MET: variants seen among roughly 807,000 people sequenced by gnomAD.
The protein encoded by MET is hepatocyte growth factor receptor.
Under a neutral mutation model 133.1 loss-of-function variants are expected in MET, and 48 were observed. The observed-to-expected ratio is 0.36, with a 90% CI of 0.29 to 0.46. The LOEUF (loss-of-function observed/expected upper bound fraction) is 0.46, where lower values mean the gene tolerates loss of function less well. MET is among the 20% of genes least tolerant of loss of function. The pLI is 1.00. For missense variants in MET, 1,442 were observed against 1,695.9 expected (o/e 0.85, Z 2.63); for synonymous variants, 628 against 616.5 (o/e 1.02, Z -0.28).
chr7:116,759,450 T>C lies in MET; in HGVS notation c.2324T>C (p.Met775Thr). The C allele has an allele frequency of 6.2e-7, 1 of 1,613,808 alleles. No individual in the cohort carries two copies. Among genetic ancestry groups the C allele is most frequent in the Non-Finnish European group, 8.5e-7 (1 of 1,179,852 alleles). The change falls in exon 10 of 21, where the codon ATG becomes ACG. Residue 775 changes from methionine to threonine, a missense_variant. Around this residue, in one of 6 missense-constraint regions of MET, gnomAD observed 514 missense variants for 659.6 expected, o/e 0.78. Transcript: ENST00000397752. The part of the protein sequence containing the change: ...KNLNSVSVPR[M>T]VINVHEAGRN... ...CTGAATTCAGTTAGTGTCCCGAGAA[T>C]GGTCATAAATGTGCATGAAGCAGGA...
At chr7:116,715,803 G>A (rs1792168546) in intron 2 of MET, among the ~76,000 whole-genome samples, 2 of 152,172 alleles carry the variant, frequency 1.3e-5, no homozygotes, top group Admixed American at 6.5e-5. Flanking sequence ...TCTCTGCTAG[G>A]TTAGCATGGT....
intron 19 of MET, among the ~76,000 whole-genome samples, chr7:116,793,262 C>A (rs770262391): frequency 7.2e-5 from 11 of 151,812 alleles, no homozygotes; most frequent in Non-Finnish European, 1.5e-4. Context: ...GCAACTTCCA[C>A]CTCCCAGGTT....
chr7:116,760,702 C>G (rs1470938144), intron 10 of MET, among the ~76,000 whole-genome samples: 2 of 152,168 alleles, frequency 1.3e-5, no homozygotes, highest in Non-Finnish European at 2.9e-5. Flanking sequence ...CAAGCCAAAT[C>G]ACCAAATAAT....
chr7:116,764,698 T>G (rs1794553940), intron 11 of MET, among the ~76,000 whole-genome samples: 1 of 152,186 alleles, frequency 6.6e-6, no homozygotes, highest in Admixed American at 6.5e-5. Context: ...TTTGGCATCA[T>G]CCTCGGCCTG....
At chr7:116,693,082 A>C (rs534765843) in intron 1 of MET, among the ~76,000 whole-genome samples, 3 of 152,252 alleles carry the variant, frequency 2.0e-5, no homozygotes, top group South Asian at 4.1e-4. Context: ...ATAAATATTA[A>C]AATGCTCACA....
intron 17 of MET, among the ~76,000 whole-genome samples, chr7:116,780,964 C>T (rs1274000718): frequency 6.6e-6 from 1 of 152,208 alleles, no homozygotes; most frequent in Non-Finnish European, 1.5e-5. Flanking sequence ...CTAGCTAATT[C>T]CTGCAAATAG....
At chr7:116,754,306 G>A (rs1345398908) in intron 5 of MET, among the ~76,000 whole-genome samples, 1 of 152,188 alleles carries the variant, frequency 6.6e-6, no homozygotes, top group Non-Finnish European at 1.5e-5. Context: ...TCTGGGTGGG[G>A]AATACCATAG....
intron 2 of MET, among the ~76,000 whole-genome samples, chr7:116,713,275 G>C (rs959615656): frequency 1.3e-5 from 2 of 151,666 alleles, no homozygotes; most frequent in African/African-American, 2.4e-5. Flanking sequence ...GGCGCCTGTA[G>C]TCCCAGCTAC....
At chr7:116,792,438 A>C (rs920518217) in intron 19 of MET, among the ~76,000 whole-genome samples, 1,035 of 52,202 alleles carry the variant, frequency 0.02, no homozygotes, top group Admixed American at 0.029. Context: ...CTCACCCCCG[A>C]CCCCCCCTCA....
chr7:116,770,025 C>T, intron 12 of MET: 1 of 576,830 alleles, frequency 1.7e-6, no homozygotes, highest in Non-Finnish European at 3.1e-6. Flanking sequence ...GCTTCTCCAT[C>T]ACGCCACACT....
chr7:116,722,309 CCTTT>C (rs1792525194), intron 2 of MET, among the ~76,000 whole-genome samples: 1 of 151,028 alleles, frequency 6.6e-6, no homozygotes, highest in African/African-American at 2.4e-5. Flanking sequence ...GCAACCCCTG[CCTTT>C]TTTTGTTTTC....
chr7:116,712,215 C>T (rs1792028111), intron 2 of MET, among the ~76,000 whole-genome samples: 1 of 152,164 alleles, frequency 6.6e-6, no homozygotes, highest in South Asian at 2.1e-4. Flanking sequence ...TTTCCCTATT[C>T]TTTAAAACTT....
chr7:116,689,036 AT>A (rs780465335), intron 1 of MET, among the ~76,000 whole-genome samples: 11 of 152,286 alleles, frequency 7.2e-5, no homozygotes, highest in Admixed American at 3.9e-4. Flanking sequence ...CTGTATTTGA[AT>A]TTTTTAATAA....
intron 11 of MET, among the ~76,000 whole-genome samples, chr7:116,765,393 G>A (rs1194547373): frequency 6.6e-6 from 1 of 151,582 alleles, no homozygotes; most frequent in African/African-American, 2.4e-5. Flanking sequence ...AAGATTTCAT[G>A]CTCCTCATGC....
chr7:116,774,201 A>G (rs1302192513), intron 14 of MET, among the ~76,000 whole-genome samples: 1 of 152,200 alleles, frequency 6.6e-6, no homozygotes, highest in Non-Finnish European at 1.5e-5. Context: ...GTTCTTACAG[A>G]GCTTTGGTTA....
chr7:116,770,228 T>C (rs1429147596), intron 12 of MET, among the ~76,000 whole-genome samples: 1 of 152,162 alleles, frequency 6.6e-6, no homozygotes, highest in Non-Finnish European at 1.5e-5. Context: ...TAAACTACTT[T>C]ACAGTAACTT....
At chr7:116,744,947 A>G (rs994816846) in intron 5 of MET, among the ~76,000 whole-genome samples, 2 of 152,182 alleles carry the variant, frequency 1.3e-5, no homozygotes, top group African/African-American at 2.4e-5. Flanking sequence ...GGCAGGAGAA[A>G]GAAATAAAGG....
chr7:116,758,611 C>A lies in MET; in HGVS notation c.2255C>A (p.Ser752Tyr), dbSNP rs1351264833. 1.2e-6 allele frequency: 2 copies of A among 1,613,462 alleles called. No homozygotes were observed. The highest frequency in any genetic ancestry group is 1.1e-5 in the South Asian group (1 of 91,048). Residue 752 changes from serine to tyrosine, a missense_variant, in exon 9 of 21, where the codon TCT becomes TAT. By Grantham distance (144) the Ser-to-Tyr change is moderately radical (BLOSUM62 -2). Transcript: ENST00000397752. The stretch of plus-strand genomic sequence containing the variant: ...GTCTATGAAATTCATCCAACCAAAT[C>A]TTTTATTAGGTAAGTAGAAGCTTCT... ...PIVYEIHPTK[S>Y]FISGGSTITG...
intron 2 of MET, among the ~76,000 whole-genome samples, chr7:116,716,284 GGAGAGAGAGAGAGAGAGAGAGA>G (rs564115135): frequency 4.5e-4 from 17 of 38,056 alleles, no homozygotes; most frequent in African/African-American, 1.2e-3. Flanking sequence ...AGGGAGAGAG[GGAGAGAGAGAGAGAGAGAGAGA>G]GAGAGAGAGA....
Sources: allele counts gnomAD v4.1 joint callset (sites outside exome capture counted in the v4.1 genomes callset), GRCh38; gene constraint gnomAD v4.1.1; regional missense constraint gnomAD v4.1.1; transcripts MANE v1.5; gene names NCBI Gene and HGNC (gene_info 2026-07-23, HGNC 2026-07-21).